Variants in ADGRV1 observed in about 807,000 individuals in gnomAD.
The protein encoded by ADGRV1 is G-protein coupled receptor 98.
A neutral mutation model predicts 596.2 loss-of-function variants in ADGRV1; 359 were observed. That is an observed-to-expected ratio of 0.60 (90% confidence interval 0.55 to 0.66). The LOEUF is 0.66. Ranked by LOEUF, ADGRV1 falls within the 30% of genes least tolerant of loss-of-function variation. The pLI is 0.00. For missense variants in ADGRV1, 7,274 were observed against 7,575.6 expected, an observed-to-expected ratio of 0.96 and a Z score of 1.48; for synonymous variants, 2,681 against 2,679.2, an observed-to-expected ratio of 1.00 and a Z score of -0.02.
rs1561403384 is a variant in ADGRV1 at position 90,623,426 on chromosome 5, T to TTTTA, written c.558+728_558+729insATTT. Among the ~76,000 whole-genome samples, 173 of 152,106 alleles carry TTTTA rather than the reference T, an allele frequency of 1.1e-3. 1 individual carries two copies. Among genetic ancestry groups the TTTTA allele is most frequent in the African/African-American group, 1.5e-3 (62 of 41,474 alleles). Reference sequence around the variant, plus strand: ...TCTCTATTTTATTTTATTTTATTTTTTTTGAGACAGGATCTTACTCTGATG... The same window carrying TTTTA: ...TCTCTATTTTATTTTATTTTATTTTTTTTATTTGAGACAGGATCTTACTCTGATG... On this transcript the variant is annotated intron_variant, in intron 5 of 89. Coordinates refer to ENST00000405460, the MANE Select transcript of ADGRV1 (RefSeq NM_032119.4).
At chr5:90,797,014 A>G (rs1219425278) in intron 70 of ADGRV1, among the ~76,000 whole-genome samples, 1 of 152,100 alleles carries the variant, frequency 6.6e-6, no homozygotes, top group African/African-American at 2.4e-5. Flanking sequence ...CCACTGCAAA[A>G]ACATACCAAA....
rs753443586 is a variant in ADGRV1, at chr5:90,647,604, G to A, written c.3129G>A (p.Gly1043=). 6 of 1,613,860 alleles carry A rather than the reference G, an allele frequency of 3.7e-6. No individual in the cohort carries two copies. Among genetic ancestry groups the A allele is most frequent in the Non-Finnish European group, 4.2e-6 (5 of 1,179,880 alleles). The change falls in exon 17 of 90, where the codon GGG becomes GGA. Residue 1043 remains glycine (G), a synonymous_variant. Coordinates refer to ENST00000405460, the MANE Select transcript of ADGRV1 (RefSeq NM_032119.4). ...TGGTCCAGTATGCTACCAAGGATGG[G>A]AAGGCTACTGCAAGAGAGAGAGATT... ...TCMVQYATKD[G]KATARERDFI...
At chr5:91,018,195 C>T (rs369558513) in intron 85 of ADGRV1, among the ~76,000 whole-genome samples, 1 of 151,948 alleles carries the variant, frequency 6.6e-6, no homozygotes, top group Admixed American at 6.6e-5. Flanking sequence ...CTTGTCTGTT[C>T]TGAAAGATGA....
intron 85 of ADGRV1, among the ~76,000 whole-genome samples, chr5:91,002,214 T>C (rs1431608479): frequency 6.6e-6 from 1 of 152,200 alleles, no homozygotes; most frequent in African/African-American, 2.4e-5. Context: ...TTCTGCTCAA[T>C]GAAATTTTTC....
At chr5:90,608,747 CAG>C (rs1208917844) in intron 1 of ADGRV1, among the ~76,000 whole-genome samples, 3 of 151,932 alleles carry the variant, frequency 2.0e-5, no homozygotes, top group Non-Finnish European at 2.9e-5. Context: ...GATTAACAAA[CAG>C]AGGATGAAAC....
At chr5:91,050,470 A>C (rs1786219674) in intron 85 of ADGRV1, among the ~76,000 whole-genome samples, 1 of 152,128 alleles carries the variant, frequency 6.6e-6, no homozygotes, top group African/African-American at 2.4e-5. Context: ...CAGGTATAGT[A>C]TGTATTTATT....
chr5:91,000,227 C>T (rs1287412169), intron 85 of ADGRV1, among the ~76,000 whole-genome samples: 1 of 151,998 alleles, frequency 6.6e-6, no homozygotes, highest in Non-Finnish European at 1.5e-5. Context: ...TAGAATTTCC[C>T]ATGCATTGAG....
chr5:90,769,039 T>G (rs990679975), intron 59 of ADGRV1, among the ~76,000 whole-genome samples: 5 of 152,188 alleles, frequency 3.3e-5, no homozygotes, highest in Non-Finnish European at 7.4e-5. Context: ...GCAGTCATTG[T>G]GTATGGACCA....
In ADGRV1 at chr5:91,020,272, G is replaced by T. The variant is rs564385847; in HGVS notation, c.18152+34750G>T. Among the ~76,000 whole-genome samples the T allele has an allele frequency of 3.9e-5, 6 of 152,036 alleles. No individual in the cohort carries two copies. The East Asian group carries it at 7.8e-4, about 20-fold the overall frequency. On this transcript the variant is annotated intron_variant, in intron 85 of 89. Transcript: ENST00000405460. ...GGGCTAGGAATCTAACATGTGTCCG[G>T]TTCCATTTCTCAACCCTCTAAACTA...
At chr5:90,917,478 T>G (rs760796546) in intron 83 of ADGRV1, among the ~76,000 whole-genome samples, 1 of 151,806 alleles carries the variant, frequency 6.6e-6, no homozygotes, top group Non-Finnish European at 1.5e-5. Flanking sequence ...GCCAACCATG[T>G]GCTAGCAGTG....
chr5:90,714,780 C>T (rs1561580260), intron 42 of ADGRV1, among the ~76,000 whole-genome samples: 2 of 152,080 alleles, frequency 1.3e-5, no homozygotes, highest in South Asian at 4.1e-4. Flanking sequence ...ATCTACCTAT[C>T]ATTTTCCTGG....
chr5:90,762,480 C>T (rs996794718), intron 58 of ADGRV1: 17 of 152,092 alleles, frequency 1.1e-4, no homozygotes, highest in Admixed American at 9.2e-4. Context: ...AGCTTCTATC[C>T]GTGTTGAAAG....
intron 32 of ADGRV1, among the ~76,000 whole-genome samples, chr5:90,693,051 A>G (rs938607244): frequency 3.0e-4 from 45 of 152,180 alleles, no homozygotes; most frequent in Middle Eastern, 3.4e-3. Context: ...CTAATCTGTA[A>G]TTTGTTACAA....
chr5:90,887,357 T>C (rs1229604862), intron 83 of ADGRV1, among the ~76,000 whole-genome samples: 3 of 152,122 alleles, frequency 2.0e-5, no homozygotes, highest in Non-Finnish European at 4.4e-5. Context: ...ATCACTCTAT[T>C]TCACTCTATT....
At chr5:90,621,553 C>T (rs1244250486) in intron 4 of ADGRV1, among the ~76,000 whole-genome samples, 3 of 152,140 alleles carry the variant, frequency 2.0e-5, no homozygotes, top group African/African-American at 7.2e-5. Flanking sequence ...GGCTTTCCTG[C>T]TACACTTACT....
chr5:91,049,413 G>T (rs918204049), intron 85 of ADGRV1, among the ~76,000 whole-genome samples: 10 of 152,040 alleles, frequency 6.6e-5, no homozygotes, highest in Non-Finnish European at 1.2e-4. Context: ...CTTACAGTTA[G>T]GATAACAGCA....
intron 83 of ADGRV1, among the ~76,000 whole-genome samples, chr5:90,950,040 A>G (rs1005216025): frequency 5.3e-5 from 8 of 152,338 alleles, no homozygotes; most frequent in Non-Finnish European, 1.0e-4. Context: ...ATGTTTCTGA[A>G]TGTCGGAGAA....
At chr5:90,800,970 G>C (rs1187878127) in intron 70 of ADGRV1, among the ~76,000 whole-genome samples, 1 of 152,094 alleles carries the variant, frequency 6.6e-6, no homozygotes. Flanking sequence ...ACCTAATATA[G>C]GTGACGGGTT....
Position 91,072,578 on chromosome 5 carries a change from T to G in ADGRV1, c.18284T>G (p.Val6095Gly). ...CCACAGTGGAAAGCATATGATGATG[T>G]CTTCAGAGGAAGGACAAATGCTGCA... Reference protein sequence around the residue: ...VKPQWKAYDDVFRGRTNAAEI... With the variant: ...VKPQWKAYDDGFRGRTNAAEI... Residue 6095 changes from valine to glycine, a missense_variant, in exon 86 of 90, where the codon GTC becomes GGC. Around this residue, in one of 5 missense-constraint regions of ADGRV1, gnomAD observed 1,874 missense variants for 1,970.2 expected, o/e 0.95. Coordinates refer to ENST00000405460, the MANE Select transcript of ADGRV1 (RefSeq NM_032119.4). 6.2e-7 allele frequency: 1 copy of G among 1,613,830 alleles called. No homozygotes were observed. The highest frequency in any genetic ancestry group is 8.5e-7 in the Non-Finnish European group (1 of 1,179,740).
Sources: allele counts gnomAD v4.1 joint callset (sites outside exome capture counted in the v4.1 genomes callset), GRCh38; gene constraint gnomAD v4.1.1; regional missense constraint gnomAD v4.1.1; transcripts MANE v1.5; gene names NCBI Gene and HGNC (gene_info 2026-07-23, HGNC 2026-07-21).